The following MST1 variants were observed in gnomAD, a reference collection of about 807,000 sequenced individuals.
The protein encoded by MST1 is hepatocyte growth factor-like protein.
A neutral mutation model predicts 100.1 loss-of-function variants in MST1; 76 were observed. The ratio of observed to expected loss-of-function variants is 0.76; its 90% confidence interval spans 0.63 to 0.92. The LOEUF is 0.92. Ranked by LOEUF, MST1 falls within the 40% of genes least tolerant of loss-of-function variation. MST1 has a pLI of 0.00. For synonymous variants in MST1, 352 were observed against 385.4 expected (o/e 0.91, Z 1.01); for missense variants, 850 against 990.0 (o/e 0.86, Z 1.90).
rs1409765654 is a variant in MST1 at position 49,685,676 on chromosome 3, G to C, written c.1307C>G (p.Pro436Arg). The change falls in exon 11 of 18, where the codon CCA (proline) becomes CGA (arginine). Residue 436 changes from proline to arginine, a missense_variant. By Grantham distance (103) the Pro-to-Arg change is moderately radical. This residue lies in a region of MST1 where 816 missense variants were observed against 924.6 expected (regional missense o/e 0.88). Coordinates refer to ENST00000449682, the MANE Select transcript of MST1 (RefSeq NM_020998.4). ...AQLEENFCRN[P>R]DGDSHGPWCY... Reference sequence around the variant, plus strand: ...CCAGGGCCCATGGCTATCCCCATCTGGGTTCCGGCAGAAGTTCTCCTCCAG... The same window carrying C: ...CCAGGGCCCATGGCTATCCCCATCTCGGTTCCGGCAGAAGTTCTCCTCCAG... The C allele has an allele frequency of 2.5e-6, 4 of 1,613,320 alleles. No individual in the cohort carries two copies. Among genetic ancestry groups the C allele is most frequent in the Middle Eastern group, 1.6e-4 (1 of 6,078 alleles).
At position 49,684,471 on chromosome 3, in the gene MST1, G is replaced by A; in HGVS notation, c.1877-18C>T. The A allele has an allele frequency of 1.9e-6, 3 of 1,613,516 alleles. No homozygotes were observed. Among genetic ancestry groups the A allele is most frequent in the Non-Finnish European group, 2.5e-6 (3 of 1,179,850 alleles). ...ACCCGTACCTGCAGTGAGGGGAATG[G>A]GGAGAGGGAGAGGGTCCTGCAGGAA... On this transcript the variant is annotated intron_variant, in intron 16 of 17. Coordinates refer to ENST00000449682, the MANE Select transcript of MST1 (RefSeq NM_020998.4).
In MST1 at chr3:49,685,582, T is replaced by C; in HGVS notation, c.1387+14A>G. 6.2e-7 allele frequency: 1 copy of C among 1,613,268 alleles called. No individual in the cohort carries two copies. Among genetic ancestry groups the C allele is most frequent in the Non-Finnish European group, 8.5e-7 (1 of 1,179,840 alleles). On this transcript the variant is annotated intron_variant, in intron 11 of 17. Coordinates refer to ENST00000449682, the MANE Select transcript of MST1 (RefSeq NM_020998.4). ...CTGAGGCAGGGTCATGGGGGAAGCGTCACTAGTGCTCACCGCAGCGTCGCA... is the reference window on the plus strand; with the variant it reads ...CTGAGGCAGGGTCATGGGGGAAGCGCCACTAGTGCTCACCGCAGCGTCGCA...
At position 49,687,872 on chromosome 3, in the gene MST1, G is replaced by C. The variant is rs553359756; in HGVS notation, c.120C>G (p.Phe40Leu). The change falls in exon 2 of 18, where the codon TTC (phenylalanine) becomes TTG (leucine). Residue 40 changes from phenylalanine to leucine, a missense_variant. Physicochemically the swap from Phe to Leu is conservative, Grantham distance 22 (BLOSUM62 0). Transcript: ENST00000449682. ...VPGQRSPLNDFQVLRGTELQH... is the reference protein window; with the variant it reads ...VPGQRSPLNDLQVLRGTELQH... The stretch of plus-strand genomic sequence containing the variant: ...GTAGCTCTGTGCCCCGGAGCACTTG[G>C]AAGTCATTCAATGGCGAGCGCTGCC... 11 of 1,613,444 alleles carry C rather than the reference G, an allele frequency of 6.8e-6. No individual in the cohort carries two copies. Among genetic ancestry groups the C allele is most frequent in the Non-Finnish European group, 9.3e-6 (11 of 1,179,858 alleles).
In MST1 at chr3:49,685,348, C is replaced by T; in HGVS notation, c.1458G>A (p.Val486=). Residue 486 remains valine, a synonymous_variant, in exon 13 of 18, where the codon GTG becomes GTA. Transcript: ENST00000449682. ...QVQFEKCGKR[V]DRLDQRRSKL... Reference sequence around the variant, plus strand: ...TGGAACGCCGCTGATCCAGCCGATCCACCCTCTTGCCACACTTCTCAAACT... The same window carrying T: ...TGGAACGCCGCTGATCCAGCCGATCTACCCTCTTGCCACACTTCTCAAACT... The T allele has an allele frequency of 6.2e-7, 1 of 1,613,642 alleles. No homozygotes were observed. The highest frequency in any genetic ancestry group is 2.2e-5 in the East Asian group (1 of 44,884).
In MST1 at chr3:49,687,573, T is replaced by A; in HGVS notation, c.338A>T (p.Asp113Val). 2 of 1,613,434 alleles carry A rather than the reference T, an allele frequency of 1.2e-6. No individual in the cohort carries two copies. Among genetic ancestry groups the A allele is most frequent in the Non-Finnish European group, 1.7e-6 (2 of 1,179,846 alleles). The change falls in exon 3 of 18, where the codon GAC (aspartate) becomes GTC (valine). Residue 113 changes from aspartate to valine, a missense_variant. Asp to Val is a radical substitution (Grantham distance 152). Coordinates refer to ENST00000449682, the MANE Select transcript of MST1 (RefSeq NM_020998.4). ...HTRLRRSGRC[D>V]LFQKKDYVRT... ...CCACTTGCCTTTCTTCTGGAAGAGG[T>A]CACAGCGCCCAGAACGCCGCAGCCT...
rs755960273 is a variant in MST1 at position 49,684,816 on chromosome 3, G to A, written c.1691C>T (p.Pro564Leu). 6.2e-7 allele frequency: 1 copy of A among 1,613,372 alleles called. No homozygotes were observed. The highest frequency in any genetic ancestry group is 1.3e-5 in the African/African-American group (1 of 74,930). Residue 564 changes from proline to leucine, a missense_variant, in exon 15 of 18, where the codon CCA becomes CTA. Physicochemically the swap from Pro to Leu is moderately conservative, Grantham distance 98. Around this residue, in one of 2 missense-constraint regions of MST1, gnomAD observed 816 missense variants for 924.6 expected, o/e 0.88. Coordinates refer to ENST00000449682, the MANE Select transcript of MST1 (RefSeq NM_020998.4). ...TLFQNPQHGE[P>L]SLQRVPVAKM... ...GGCTACTGGGACCCGCTGTAGGCTTGGCTCTCCATGCTGTGGGTTCTGGAA... is the reference window on the plus strand; with the variant it reads ...GGCTACTGGGACCCGCTGTAGGCTTAGCTCTCCATGCTGTGGGTTCTGGAA...
At position 49,685,711 on chromosome 3, in the gene MST1, C is replaced by G; in HGVS notation, c.1272G>C (p.Pro424=). The G allele has an allele frequency of 6.2e-7, 1 of 1,613,316 alleles. No individual in the cohort carries two copies. Among genetic ancestry groups the G allele is most frequent in the Non-Finnish European group, 8.5e-7 (1 of 1,179,834 alleles). ...HKPQFTFTSE[P]HAQLEENFCR... is the part of the protein sequence containing the mutation. ...AGAAGTTCTCCTCCAGTTGTGCATGCGGTTCGGAGGTAAACGTGAACCTAG... is the reference window on the plus strand; with the variant it reads ...AGAAGTTCTCCTCCAGTTGTGCATGGGGTTCGGAGGTAAACGTGAACCTAG... Residue 424 remains proline (P), a synonymous_variant, in exon 11 of 18, where the codon CCG becomes CCC. Coordinates refer to ENST00000449682, the MANE Select transcript of MST1 (RefSeq NM_020998.4).
rs756062596 is a variant in MST1 at position 49,687,009 on chromosome 3, T to A, written c.666A>T (p.Ser222=). 6.2e-7 allele frequency: 1 copy of A among 1,611,448 alleles called. No individual in the cohort carries two copies. The highest frequency in any genetic ancestry group is 1.7e-5 in the Admixed American group (1 of 60,030). Residue 222 remains serine (S), a synonymous_variant, in exon 6 of 18, where the codon TCA becomes TCT. Coordinates refer to ENST00000449682, the MANE Select transcript of MST1 (RefSeq NM_020998.4). ...EYRGAVDRTE[S]GRECQRWDLQ... Reference sequence around the variant, plus strand: ...GATCCCAGCGCTGGCACTCGCGCCCTGACTCCGTGCGGTCTACCGCGCCGC... The same window carrying A: ...GATCCCAGCGCTGGCACTCGCGCCCAGACTCCGTGCGGTCTACCGCGCCGC...
chr3:49,686,633 C>A, intron 7 of MST1, 51 bp downstream of exon 7: 1 of 1,549,112 alleles, frequency 6.5e-7, no homozygotes. Context: ...CAAGCCACGC[C>A]CCTCCCCAAG....
In MST1 at chr3:49,685,902, ACACC is replaced by A; in HGVS notation, c.1204_1207del (p.Gly402SerfsTer123). Reference sequence around the variant, plus strand: ...CTCAGCGGACCAGCGCTGGCACTGGACACCCTTGCGGGTCTTGCTGACCGTGCCG... The same window carrying A: ...CTCAGCGGACCAGCGCTGGCACTGGACTTGCGGGTCTTGCTGACCGTGCCG... On this transcript the variant is annotated frameshift_variant, in exon 10 of 18. Coordinates refer to ENST00000449682, the MANE Select transcript of MST1 (RefSeq NM_020998.4). LOFTEE classifies it high-confidence loss of function. 6.2e-7 allele frequency: 1 copy of A among 1,609,158 alleles called. No individual in the cohort carries two copies. The highest frequency in any genetic ancestry group is 1.1e-5 in the South Asian group (1 of 90,888).
Position 49,687,298 on chromosome 3 carries a change from A to C in MST1, c.471-13T>G. 1 of 1,613,472 alleles carries C rather than the reference A, an allele frequency of 6.2e-7. No homozygotes were observed. Among genetic ancestry groups the C allele is most frequent in the Non-Finnish European group, 8.5e-7 (1 of 1,179,862 alleles). On this transcript the variant is annotated splice_polypyrimidine_tract_variant and intron_variant, in intron 4 of 17. Transcript: ENST00000449682. ...AGTGGGCGTGTACCTGAGGGCCCAG[A>C]GCATCACTATAGTGTGTGCTGGGGG...
chr3:49,684,360 C>G lies in MST1; in HGVS notation c.1970G>C (p.Ser657Thr). The change falls in exon 17 of 18, where the codon AGT becomes ACT. Residue 657 changes from serine to threonine, a missense_variant. Around this residue, in one of 2 missense-constraint regions of MST1, gnomAD observed 816 missense variants for 924.6 expected, o/e 0.88. Transcript: ENST00000449682. ...NIKHRGRVRE[S>T]EMCTEGLLAP... Reference sequence around the variant, plus strand: ...CAACAGTCCCTCAGTGCACATCTCACTCTCCCGCACACGTCCTCGGTGCTT... The same window carrying G: ...CAACAGTCCCTCAGTGCACATCTCAGTCTCCCGCACACGTCCTCGGTGCTT... 1.9e-6 allele frequency: 3 copies of G among 1,613,282 alleles called. No homozygotes were observed. Among genetic ancestry groups the G allele is most frequent in the Non-Finnish European group, 2.5e-6 (3 of 1,179,868 alleles).
At position 49,685,708 on chromosome 3, in the gene MST1, A is replaced by G. The variant is rs144982232; in HGVS notation, c.1275T>C (p.His425=). The G allele has an allele frequency of 1.9e-3, 3,035 of 1,613,338 alleles. 77 individuals are homozygous for G. The East Asian group carries it at 0.055, about 29-fold the overall frequency. ...KPQFTFTSEP[H]AQLEENFCRN... ...GGCAGAAGTTCTCCTCCAGTTGTGCATGCGGTTCGGAGGTAAACGTGAACC... is the reference window on the plus strand; with the variant it reads ...GGCAGAAGTTCTCCTCCAGTTGTGCGTGCGGTTCGGAGGTAAACGTGAACC... Residue 425 remains histidine (H), a synonymous_variant, in exon 11 of 18, where the codon CAT becomes CAC. Transcript: ENST00000449682.
Position 49,688,949 on chromosome 3 carries a change from AGT to A in MST1, c.-260_-259del, listed in dbSNP as rs1437778075. The stretch of plus-strand genomic sequence containing the variant: ...CTAGTCAGCCCAAGGGCATTGTGAA[AGT>A]GAGAGCTGCCAGAGGTCTGGGCTCC... On this transcript the variant is annotated 5_prime_UTR_variant, in exon 1 of 18. An upstream open reading frame in the 5' UTR gains an earlier in-frame stop. Coordinates refer to ENST00000449682, the MANE Select transcript of MST1 (RefSeq NM_020998.4). The A allele has an allele frequency of 5.5e-6, 2 of 361,496 alleles. No individual in the cohort carries two copies. The highest frequency in any genetic ancestry group is 2.1e-5 in the African/African-American group (1 of 47,570). The allele number at this position is 361,496 out of a possible 1,614,324, so 22.4% of individuals were successfully genotyped here.
chr3:49,686,967 C>T lies in MST1; in HGVS notation c.708G>A (p.Gln236=). 6.2e-7 allele frequency: 1 copy of T among 1,611,214 alleles called. No homozygotes were observed. Among genetic ancestry groups the T allele is most frequent in the African/African-American group, 1.3e-5 (1 of 75,010 alleles). Residue 236 remains glutamine, a synonymous_variant, in exon 6 of 18, where the codon CAG becomes CAA. Coordinates refer to ENST00000449682, the MANE Select transcript of MST1 (RefSeq NM_020998.4). ...CGTACTTGCCCGGCTCGAAGGGGTG[C>T]TGGTGCGGGTGCTGAAGATCCCAGC... ...CQRWDLQHPH[Q]HPFEPGKFLD...
rs145575614 is a variant in MST1 at position 49,687,579 on chromosome 3, C to T, written c.332G>A (p.Arg111His). The T allele has an allele frequency of 2.0e-5, 33 of 1,613,538 alleles. No individual in the cohort carries two copies. Among genetic ancestry groups the T allele is most frequent in the Middle Eastern group, 1.7e-4 (1 of 6,056 alleles). The change falls in exon 3 of 18, where the codon CGC becomes CAC. Residue 111 changes from arginine (R) to histidine (H), a missense_variant. By Grantham distance (29) the Arg-to-His change is conservative. This residue lies in a region of MST1 where 816 missense variants were observed against 924.6 expected (regional missense o/e 0.88). Transcript: ENST00000449682. ...GCCTTTCTTCTGGAAGAGGTCACAGCGCCCAGAACGCCGCAGCCTCGTGTG... is the reference window on the plus strand; with the variant it reads ...GCCTTTCTTCTGGAAGAGGTCACAGTGCCCAGAACGCCGCAGCCTCGTGTG... ...SPHTRLRRSG[R>H]CDLFQKKDYV...
rs770307850 is a variant in MST1 at position 49,687,753 on chromosome 3, C to T, written c.239G>A (p.Cys80Tyr). 1 of 1,613,582 alleles carries T rather than the reference C, an allele frequency of 6.2e-7. No homozygotes were observed. Among genetic ancestry groups the T allele is most frequent in the South Asian group, 1.1e-5 (1 of 91,076 alleles). ...CAGRCGPLMD[C>Y]RAFHYNVSSH... ...TCTAGGCCCAGTGGCCACTCACCGGCAGTCCATTAAGGGCCCACAGCGACC... is the reference window on the plus strand; with the variant it reads ...TCTAGGCCCAGTGGCCACTCACCGGTAGTCCATTAAGGGCCCACAGCGACC... Residue 80 changes from cysteine to tyrosine, a missense_variant, in exon 2 of 18, where the codon TGC (cysteine) becomes TAC (tyrosine). Cys to Tyr is a radical substitution (Grantham distance 194). Around this residue, in one of 2 missense-constraint regions of MST1, gnomAD observed 816 missense variants for 924.6 expected, o/e 0.88. Transcript: ENST00000449682.
At chr3:49,686,530 T>C (rs764439785) in intron 7 of MST1, 49 bp from the exon 8 acceptor site, 1 of 1,602,836 alleles carries the variant, frequency 6.2e-7, no homozygotes, top group East Asian at 2.3e-5. Context: ...CTGAGATCCC[T>C]CTGGGGCTGG....
Position 49,684,800 on chromosome 3 carries a change from G to C in MST1, c.1707C>G (p.Val569=), listed in dbSNP as rs1028917454. ...GCCCACACACCATCTTGGCTACTGG[G>C]ACCCGCTGTAGGCTTGGCTCTCCAT... ...PQHGEPSLQR[V]PVAKMVCGPS... The change falls in exon 15 of 18, where the codon GTC becomes GTG. Residue 569 remains valine (V), a synonymous_variant. Transcript: ENST00000449682. 2.5e-6 allele frequency: 4 copies of C among 1,613,540 alleles called. No homozygotes were observed. Among genetic ancestry groups the C allele is most frequent in the African/African-American group, 1.3e-5 (1 of 75,056 alleles).
Sources: allele counts gnomAD v4.1 joint callset, GRCh38; gene constraint gnomAD v4.1.1; regional missense constraint gnomAD v4.1.1; transcripts MANE v1.5; gene names NCBI Gene and HGNC (gene_info 2026-07-23, HGNC 2026-07-21).